Variants in NXPH1 observed in about 807,000 individuals in gnomAD.
NXPH1 encodes the protein neurexophilin-1.
In NXPH1, 5 loss-of-function variants were observed where a neutral mutation model predicts 23.7. That is an observed-to-expected ratio of 0.21 (90% CI 0.11 to 0.44). The LOEUF (loss-of-function observed/expected upper bound fraction) is 0.44, where lower values mean the gene tolerates loss of function less well. Ranked by LOEUF, NXPH1 falls within the 20% of genes least tolerant of loss-of-function variation. The pLI is 0.99. For synonymous variants in NXPH1, 144 were observed against 122.2 expected (o/e 1.18, Z -1.18); for missense variants, 324 against 321.6 (o/e 1.01, Z -0.06).
chr7:8,474,660 A>C (rs1212408173), intron 2 of NXPH1, among the ~76,000 whole-genome samples: 1 of 152,168 alleles, frequency 6.6e-6, no homozygotes, highest in East Asian at 1.9e-4. Context: ...TATATCTGAC[A>C]AAACTTTAAT....
chr7:8,457,436 A>G (rs1003097170), intron 2 of NXPH1, among the ~76,000 whole-genome samples: 7 of 152,170 alleles, frequency 4.6e-5, no homozygotes, highest in African/African-American at 1.7e-4. Context: ...TGTGACAGCT[A>G]GGCCTGGAGG....
At chr7:8,515,713 G>A (rs530059119) in intron 2 of NXPH1, among the ~76,000 whole-genome samples, 1 of 152,216 alleles carries the variant, frequency 6.6e-6, no homozygotes, top group Admixed American at 6.5e-5. Context: ...GTTGAGAAAC[G>A]TTTTTATTGC....
intron 2 of NXPH1, among the ~76,000 whole-genome samples, chr7:8,738,256 C>T (rs1199906644): frequency 6.6e-6 from 1 of 152,120 alleles, no homozygotes; most frequent in Non-Finnish European, 1.5e-5. Flanking sequence ...GGTTTTTCCT[C>T]ATCTTTATCT....
chr7:8,566,842 T>C (rs1221051482), intron 2 of NXPH1, among the ~76,000 whole-genome samples: 1 of 144,374 alleles, frequency 6.9e-6, no homozygotes, highest in Non-Finnish European at 1.5e-5. Flanking sequence ...TAACCTCATA[T>C]TCATTCATAT....
At chr7:8,712,954 A>G (rs1204776789) in intron 2 of NXPH1, among the ~76,000 whole-genome samples, 1 of 152,056 alleles carries the variant, frequency 6.6e-6, no homozygotes, top group Non-Finnish European at 1.5e-5. Flanking sequence ...TTGAATATTG[A>G]TATCTTTCTC....
intron 2 of NXPH1, among the ~76,000 whole-genome samples, chr7:8,524,036 A>G (rs935837628): frequency 6.6e-6 from 1 of 152,044 alleles, no homozygotes; most frequent in African/African-American, 2.4e-5. Context: ...CGAGGTCAGC[A>G]ATTCAAGACC....
intron 2 of NXPH1, among the ~76,000 whole-genome samples, chr7:8,610,502 C>T (rs1819594902): frequency 6.6e-6 from 1 of 152,002 alleles, no homozygotes; most frequent in Non-Finnish European, 1.5e-5. Context: ...AACTTTATTA[C>T]AGAAAAATTG....
At chr7:8,503,340 C>T (rs1473422852) in intron 2 of NXPH1, among the ~76,000 whole-genome samples, 1 of 151,956 alleles carries the variant, frequency 6.6e-6, no homozygotes, top group East Asian at 1.9e-4. Flanking sequence ...AGTATTTTGA[C>T]TCCATAGTCT....
chr7:8,600,692 C>T (rs1819339293), intron 2 of NXPH1, among the ~76,000 whole-genome samples: 1 of 152,156 alleles, frequency 6.6e-6, no homozygotes, highest in Non-Finnish European at 1.5e-5. Context: ...TCTCTCTTCT[C>T]TATTACTTAT....
At chr7:8,595,041 G>A (rs998352554) in intron 2 of NXPH1, among the ~76,000 whole-genome samples, 5 of 151,992 alleles carry the variant, frequency 3.3e-5, no homozygotes, top group African/African-American at 9.7e-5. Context: ...TCTACACTAA[G>A]TGGAATCTCA....
intron 2 of NXPH1, among the ~76,000 whole-genome samples, chr7:8,487,269 G>A (rs1224637034): frequency 1.3e-5 from 2 of 152,102 alleles, no homozygotes; most frequent in Non-Finnish European, 2.9e-5. Context: ...CTCCCCTGGT[G>A]GGAGGTAACT....
At chr7:8,601,456 A>T (rs1163051020) in intron 2 of NXPH1, among the ~76,000 whole-genome samples, 1 of 152,188 alleles carries the variant, frequency 6.6e-6, no homozygotes, top group African/African-American at 2.4e-5. Flanking sequence ...AGGTTACCCA[A>T]GTTCTCAGCG....
intron 2 of NXPH1, among the ~76,000 whole-genome samples, chr7:8,528,764 T>C (rs192985980): frequency 6.6e-6 from 1 of 152,196 alleles, no homozygotes; most frequent in South Asian, 2.1e-4. Flanking sequence ...GTTTTTCTTG[T>C]CCCAGGTGGA....
Position 8,607,884 on chromosome 7 carries a change from T to C in NXPH1, c.55-143124T>C, listed in dbSNP as rs1370415050. Among the ~76,000 whole-genome samples, 3 of 152,214 alleles carry C rather than the reference T, an allele frequency of 2.0e-5. No individual in the cohort carries two copies. The East Asian group carries it at 5.8e-4, about 29-fold the overall frequency. The stretch of plus-strand genomic sequence containing the variant: ...GAAGTAAGGTGGACTCTTAATCCAA[T>C]ATGACTGGTGCCCTCGTGAGGTGAG... On this transcript the variant is annotated intron_variant, in intron 2 of 2. Transcript: ENST00000405863.
At position 8,619,132 on chromosome 7, in the gene NXPH1, T is replaced by G. The variant is rs867841892; in HGVS notation, c.55-131876T>G. ...CTTGATTTTAGGATTATGTCTGCCC[T>G]GGTACCCTTGGCGAACGTTTCTGCT... On this transcript the variant is annotated intron_variant, in intron 2 of 2. Transcript: ENST00000405863. Among the ~76,000 whole-genome samples, 3 of 152,196 alleles carry G rather than the reference T, an allele frequency of 2.0e-5. No homozygotes were observed. The East Asian group carries it at 5.8e-4, about 29-fold the overall frequency.
At chr7:8,612,268 C>T (rs2128629748) in intron 2 of NXPH1, among the ~76,000 whole-genome samples, 1 of 151,260 alleles carries the variant, frequency 6.6e-6, no homozygotes, top group Middle Eastern at 3.4e-3. Flanking sequence ...TTCCTTCCTT[C>T]CTTCCATTTT....
At position 8,500,730 on chromosome 7, in the gene NXPH1, G is replaced by T. The variant is rs1817417538; in HGVS notation, c.54+64963G>T. Among the ~76,000 whole-genome samples, 3 of 152,052 alleles carry T rather than the reference G, an allele frequency of 2.0e-5. 1 individual carries two copies. In the South Asian group the frequency reaches 6.2e-4, roughly 31 times the overall value. ...TCTGTAACCACTGGAACCAGCTGAT[G>T]CATTATCCATAATCCTAATAGCAAA... On this transcript the variant is annotated intron_variant, in intron 2 of 2. Coordinates refer to ENST00000405863, the MANE Select transcript of NXPH1 (RefSeq NM_152745.3).
intron 2 of NXPH1, among the ~76,000 whole-genome samples, chr7:8,447,248 CAT>C (rs1475508148): frequency 1.3e-5 from 2 of 152,190 alleles, no homozygotes; most frequent in Admixed American, 6.5e-5. Flanking sequence ...ACTTTACTCA[CAT>C]ATTTTTTTCC....
chr7:8,735,733 T>A (rs1466500477), intron 2 of NXPH1, among the ~76,000 whole-genome samples: 1 of 152,194 alleles, frequency 6.6e-6, no homozygotes, highest in Non-Finnish European at 1.5e-5. Flanking sequence ...TCTTTGTACC[T>A]CGGTAGAATG....
Sources: gnomAD v4.1 joint callset for allele counts (sites outside exome capture counted in the v4.1 genomes callset) on GRCh38, gnomAD v4.1.1 for gene constraint, MANE v1.5 for transcripts, NCBI Gene and HGNC (gene_info 2026-07-23, HGNC 2026-07-21) for gene names.